SLC25A16: variants seen among roughly 807,000 people sequenced by gnomAD.
The protein encoded by SLC25A16 is mitochondrial coenzyme A transporter SLC25A16.
SLC25A16 carries 39 observed loss-of-function variants against 41.5 expected under a neutral mutation model. The observed-to-expected ratio is 0.94, with a 90% confidence interval of 0.73 to 1.23. SLC25A16 has a LOEUF of 1.23. Among genes scored for constraint, SLC25A16 ranks in the 50% most tolerant of loss-of-function variants. The pLI, the probability that SLC25A16 is intolerant of heterozygous loss-of-function variation, is 0.00. For missense variants in SLC25A16, 421 were observed against 426.9 expected (o/e 0.99, Z 0.12); for synonymous variants, 146 against 147.8 (o/e 0.99, Z 0.09).
intron 4 of SLC25A16, among the ~76,000 whole-genome samples, 157 bp downstream of exon 4, chr10:68,503,475 C>A (rs902969198): frequency 3.9e-5 from 6 of 152,096 alleles, no homozygotes; most frequent in Non-Finnish European, 8.8e-5. Context: ...TATTTTAATA[C>A]ATACCTTTTT....
chr10:68,507,070 CTTTTTTTTTT>C (rs71019019), intron 2 of SLC25A16, among the ~76,000 whole-genome samples: 8 of 115,634 alleles, frequency 6.9e-5, no homozygotes, highest in African/African-American at 2.3e-4. Flanking sequence ...ATGACCTACT[CTTTTTTTTTT>C]TTTTTTTTTT....
chr10:68,500,351 A>G (rs968262022), intron 4 of SLC25A16, among the ~76,000 whole-genome samples: 2 of 152,152 alleles, frequency 1.3e-5, no homozygotes, highest in Non-Finnish European at 2.9e-5. Context: ...TCTGTTGCCA[A>G]CGCTGGAGTG....
Position 68,482,388 on chromosome 10 carries a change from C to A in SLC25A16, c.*1044G>T, listed in dbSNP as rs1045033795. On this transcript the variant is annotated 3_prime_UTR_variant, in exon 9 of 9. Coordinates refer to ENST00000609923, the MANE Select transcript of SLC25A16 (RefSeq NM_152707.4). ...AACATTTTCTTAATATAAAGGATAACAATTCAAATCATATTTTACATTTCT... is the reference window on the plus strand; with the variant it reads ...AACATTTTCTTAATATAAAGGATAAAAATTCAAATCATATTTTACATTTCT... 6.6e-6 allele frequency: 1 copy of A among 152,484 alleles called. No homozygotes were observed. The highest frequency in any genetic ancestry group is 1.5e-5 in the Non-Finnish European group (1 of 68,012). The allele number at this position is 152,484 out of a possible 1,614,324, so 9.4% of individuals were successfully genotyped here.
chr10:68,515,884 C>A (rs753338736), intron 2 of SLC25A16, among the ~76,000 whole-genome samples: 1 of 152,016 alleles, frequency 6.6e-6, no homozygotes, highest in Non-Finnish European at 1.5e-5. Context: ...TAATAAATCC[C>A]AATAAACATG....
Position 68,483,508 on chromosome 10 carries a change from TA to T in SLC25A16, c.922del (p.Tyr308ThrfsTer18). On this transcript the variant is annotated frameshift_variant, in exon 9 of 9. Coordinates refer to ENST00000609923, the MANE Select transcript of SLC25A16 (RefSeq NM_152707.4). LOFTEE classifies it high-confidence loss of function. ...TGCTTGAGAGGGAATACAGCGAATG[TA>T]ATTAAGAGATAAACCACGATAGAGT... is the stretch of plus-strand genomic sequence containing the variant. ...KGLYRGLSLN[Y>X]IRCIPSQAVA... 1 of 1,613,066 alleles carries T rather than the reference TA, an allele frequency of 6.2e-7. No individual in the cohort carries two copies. The highest frequency in any genetic ancestry group is 8.5e-7 in the Non-Finnish European group (1 of 1,179,524).
chr10:68,482,485 T>C lies in SLC25A16; in HGVS notation c.*947A>G, dbSNP rs2052495284. The C allele has an allele frequency of 6.6e-6, 1 of 152,308 alleles. No homozygotes were observed. The highest frequency in any genetic ancestry group is 2.1e-4 in the South Asian group (1 of 4,836). 9.4% of individuals were successfully genotyped at this position (152,308 alleles called of 1,614,324 possible). Reference sequence around the variant, plus strand: ...GATGCATCATAATACCTTAGAAACATTTTTTGATATTCACATCTATATTAA... The same window carrying C: ...GATGCATCATAATACCTTAGAAACACTTTTTGATATTCACATCTATATTAA... On this transcript the variant is annotated 3_prime_UTR_variant, in exon 9 of 9. Transcript: ENST00000609923.
chr10:68,487,058 A>G, intron 8 of SLC25A16, 86 bp downstream of exon 8: 2 of 972,874 alleles, frequency 2.1e-6, no homozygotes, highest in Non-Finnish European at 3.2e-6. Flanking sequence ...GATACAGACT[A>G]TTGGTCAAAC....
chr10:68,493,822 T>TAC (rs1241136263), intron 4 of SLC25A16, among the ~76,000 whole-genome samples: 1 of 152,206 alleles, frequency 6.6e-6, no homozygotes, highest in African/African-American at 2.4e-5. Flanking sequence ...TGGTACAGTG[T>TAC]ACAGTGTAAG....
At chr10:68,490,308 A>G (rs1295210128) in intron 6 of SLC25A16, among the ~76,000 whole-genome samples, 1 of 151,714 alleles carries the variant, frequency 6.6e-6, no homozygotes, top group Non-Finnish European at 1.5e-5. Flanking sequence ...CTCTGCACTA[A>G]TATTATTTTT....
chr10:68,480,854 G>C lies in SLC25A16; in HGVS notation c.*2578C>G, dbSNP rs148393530. On this transcript the variant is annotated 3_prime_UTR_variant, in exon 9 of 9. Coordinates refer to ENST00000609923, the MANE Select transcript of SLC25A16 (RefSeq NM_152707.4). ...CATTTAATAACAATAATTAGCTACAGTGTGGTCTAGAAATGAAAATATACA... is the reference window on the plus strand; with the variant it reads ...CATTTAATAACAATAATTAGCTACACTGTGGTCTAGAAATGAAAATATACA... 17 of 151,146 alleles carry C rather than the reference G, an allele frequency of 1.1e-4. No homozygotes were observed. The highest frequency in any genetic ancestry group is 4.1e-4 in the African/African-American group (17 of 41,250). 9.4% of individuals were successfully genotyped at this position (151,146 alleles called of 1,614,324 possible).
At chr10:68,514,164 G>T (rs960870393) in intron 2 of SLC25A16, among the ~76,000 whole-genome samples, 17 of 152,052 alleles carry the variant, frequency 1.1e-4, no homozygotes, top group Non-Finnish European at 1.9e-4. Context: ...CAGTACTCCA[G>T]CCTCTGGGCG....
rs1373872849 is a variant in SLC25A16, at chr10:68,503,739, G to A, written c.358-44C>T. The stretch of plus-strand genomic sequence containing the variant: ...GAATTAAATGAGATATTTTTTAAAT[G>A]CTGCCCATTTCACTGTTTAATAATG... On this transcript the variant is annotated intron_variant, in intron 3 of 8. Coordinates refer to ENST00000609923, the MANE Select transcript of SLC25A16 (RefSeq NM_152707.4). 4 of 1,184,632 alleles carry A rather than the reference G, an allele frequency of 3.4e-6. No homozygotes were observed. In the African/African-American group the frequency reaches 4.5e-5, roughly 13 times the overall value. The allele number at this position is 1,184,632 out of a possible 1,614,324, so 73.4% of individuals were successfully genotyped here.
intron 8 of SLC25A16, among the ~76,000 whole-genome samples, chr10:68,485,861 G>A (rs1358254284): frequency 6.8e-6 from 1 of 146,850 alleles, no homozygotes; most frequent in Non-Finnish European, 1.5e-5. Flanking sequence ...GCAGTGGTGC[G>A]ATCTCGGCTC....
intron 2 of SLC25A16, among the ~76,000 whole-genome samples, chr10:68,508,428 T>G (rs1452627737): frequency 2.4e-5 from 3 of 122,486 alleles, no homozygotes; most frequent in African/African-American, 8.1e-5. Context: ...AAAAAAGAAT[T>G]CTAGGCCAGG....
intron 4 of SLC25A16, among the ~76,000 whole-genome samples, chr10:68,500,808 G>A (rs1345277497): frequency 3.3e-5 from 5 of 151,504 alleles, no homozygotes; most frequent in East Asian, 2.0e-4. Context: ...GCACGTGCCC[G>A]TAATCCCAGC....
In SLC25A16 at chr10:68,481,395, A is replaced by G. The variant is rs1457160297; in HGVS notation, c.*2037T>C. The G allele has an allele frequency of 2.6e-5, 4 of 152,226 alleles. No homozygotes were observed. The highest frequency in any genetic ancestry group is 7.2e-5 in the African/African-American group (3 of 41,458). The allele number at this position is 152,226 out of a possible 1,614,324, so 9.4% of individuals were successfully genotyped here. On this transcript the variant is annotated 3_prime_UTR_variant, in exon 9 of 9. Coordinates refer to ENST00000609923, the MANE Select transcript of SLC25A16 (RefSeq NM_152707.4). ...GAAACCAGCTCATCAAATTTTTACC[A>G]AGGTATGACAAGAAACCTTTTATGT... is the stretch of plus-strand genomic sequence containing the variant.
Position 68,478,191 on chromosome 10 carries a change from G to A in SLC25A16, c.*5241C>T, listed in dbSNP as rs2052449035. On this transcript the variant is annotated 3_prime_UTR_variant, in exon 9 of 9. Coordinates refer to ENST00000609923, the MANE Select transcript of SLC25A16 (RefSeq NM_152707.4). ...TGGCCAAGTAATTTAATCTCCCTAGGCCTCGATTATTCCCATCTGTCAAAA... is the reference window on the plus strand; with the variant it reads ...TGGCCAAGTAATTTAATCTCCCTAGACCTCGATTATTCCCATCTGTCAAAA... 1 of 152,080 alleles carries A rather than the reference G, an allele frequency of 6.6e-6. No homozygotes were observed. The highest frequency in any genetic ancestry group is 2.1e-4 in the South Asian group (1 of 4,828). The allele number at this position is 152,080 out of a possible 1,614,324, so 9.4% of individuals were successfully genotyped here.
chr10:68,509,714 T>C (rs1288971601), intron 2 of SLC25A16, among the ~76,000 whole-genome samples: 6 of 140,486 alleles, frequency 4.3e-5, no homozygotes, highest in Non-Finnish European at 6.1e-5. Flanking sequence ...AAAAAAAAAA[T>C]CTATATATCT....
chr10:68,497,299 C>A (rs546682166), intron 4 of SLC25A16, among the ~76,000 whole-genome samples: 17 of 152,272 alleles, frequency 1.1e-4, no homozygotes, highest in African/African-American at 3.9e-4. Context: ...GGACTCCAAG[C>A]GTCATAGATA....
Sources: gnomAD v4.1 joint callset for allele counts (sites outside exome capture counted in the v4.1 genomes callset) on GRCh38, gnomAD v4.1.1 for gene constraint, MANE v1.5 for transcripts, NCBI Gene and HGNC (gene_info 2026-07-23, HGNC 2026-07-21) for gene names.